Variants in DHRSX observed in about 807,000 individuals in gnomAD.
The protein encoded by DHRSX is polyprenol dehydrogenase.
DHRSX carries 31 observed loss-of-function variants against 34.0 expected under a neutral mutation model. The observed-to-expected ratio is 0.91, with a 90% CI of 0.69 to 1.23. The LOEUF (loss-of-function observed/expected upper bound fraction) is 1.23, where lower values mean the gene tolerates loss of function less well. Ranked by LOEUF, DHRSX falls within the 50% of genes most tolerant of loss-of-function variation. DHRSX has a pLI of 0.00. For missense variants in DHRSX, 414 were observed against 428.1 expected (o/e 0.97, Z 0.29); for synonymous variants, 201 against 183.8 (o/e 1.09, Z -0.76).
intron 1 of DHRSX, among the ~76,000 whole-genome samples, chrX:2,461,365 G>C (rs953381168): frequency 6.6e-6 from 1 of 152,192 alleles, no homozygotes; most frequent in Non-Finnish European, 1.5e-5. Context: ...GGGTCCACCC[G>C]TCAGCCAAAA....
At chrX:2,420,561 G>T (rs1342317516) in intron 2 of DHRSX, among the ~76,000 whole-genome samples, 1 of 151,912 alleles carries the variant, frequency 6.6e-6, no homozygotes. Context: ...TGGCCAACAT[G>T]GTGAAACCCC....
chrX:2,344,884 T>C (rs1236609919), intron 3 of DHRSX, among the ~76,000 whole-genome samples: 1 of 63,226 alleles, frequency 1.6e-5, no homozygotes, highest in East Asian at 3.5e-4. Context: ...TATATATATA[T>C]ATATATATAT....
At chrX:2,342,932 G>A (rs1303848757) in intron 3 of DHRSX, among the ~76,000 whole-genome samples, 2 of 152,102 alleles carry the variant, frequency 1.3e-5, no homozygotes, top group Non-Finnish European at 2.9e-5. Flanking sequence ...CGGTCTTCAG[G>A]TTGTGGGTGA....
At chrX:2,353,562 G>C (rs2042812686) in intron 3 of DHRSX, among the ~76,000 whole-genome samples, 1 of 151,162 alleles carries the variant, frequency 6.6e-6, no homozygotes, top group African/African-American at 2.4e-5. Flanking sequence ...CAGTAGTTTA[G>C]GGAAGGATTA....
At chrX:2,327,060 G>A (rs1438400279) in intron 3 of DHRSX, among the ~76,000 whole-genome samples, 2 of 152,126 alleles carry the variant, frequency 1.3e-5, no homozygotes, top group Admixed American at 6.5e-5. Flanking sequence ...TGATCCACCC[G>A]CCTCAGCCTC....
intron 1 of DHRSX, among the ~76,000 whole-genome samples, chrX:2,431,107 C>T (rs1426327948): frequency 3.3e-5 from 5 of 151,816 alleles, no homozygotes; most frequent in Admixed American, 1.3e-4. Context: ...GGGTGGATCA[C>T]GAGGTCAGGA....
chrX:2,426,419 ATTCC>A (rs1221173742), intron 1 of DHRSX, among the ~76,000 whole-genome samples: 1 of 94,826 alleles, frequency 1.1e-5, no homozygotes, highest in Non-Finnish European at 2.1e-5. Flanking sequence ...TTCTTCCTTC[ATTCC>A]TTCCTTCCTT....
chrX:2,482,396 A>G (rs1378236373), intron 1 of DHRSX, among the ~76,000 whole-genome samples: 3 of 151,890 alleles, frequency 2.0e-5, no homozygotes, highest in African/African-American at 7.3e-5. Flanking sequence ...CCCAAAGTGC[A>G]GGTATTACAA....
intron 3 of DHRSX, among the ~76,000 whole-genome samples, chrX:2,386,346 G>A (rs7473900): frequency 0.23 from 35,676 of 151,820 alleles, 5,442 homozygotes; most frequent in Non-Finnish European, 0.35. Context: ...AGCCTCCCAA[G>A]TAGCTGGGAT....
chrX:2,406,247 G>A (rs374061698), intron 3 of DHRSX, among the ~76,000 whole-genome samples: 6 of 151,530 alleles, frequency 4.0e-5, no homozygotes, highest in African/African-American at 7.3e-5. Flanking sequence ...AGCCGAGATC[G>A]CACCACTGCA....
intron 3 of DHRSX, among the ~76,000 whole-genome samples, chrX:2,365,042 T>C (rs1002405643): frequency 3.3e-5 from 5 of 152,190 alleles, no homozygotes; most frequent in African/African-American, 1.2e-4. Context: ...CTGTCTGTCA[T>C]TTCCTCATTT....
intron 6 of DHRSX, among the ~76,000 whole-genome samples, chrX:2,224,736 A>G (rs1213794842): frequency 3.9e-5 from 6 of 152,266 alleles, no homozygotes; most frequent in Admixed American, 1.3e-4. Flanking sequence ...GCATACGCAC[A>G]CACACATGCA....
chrX:2,335,645 G>A (rs2042550010), intron 3 of DHRSX, among the ~76,000 whole-genome samples: 1 of 151,816 alleles, frequency 6.6e-6, no homozygotes, highest in South Asian at 2.1e-4. Flanking sequence ...GTAGAGATGG[G>A]GCTTCATCAT....
intron 1 of DHRSX, among the ~76,000 whole-genome samples, chrX:2,448,566 T>A (rs1215708134): frequency 6.6e-6 from 1 of 150,626 alleles, no homozygotes; most frequent in Non-Finnish European, 1.5e-5. Context: ...AGCTTGATTG[T>A]TAATGTGTTT....
chrX:2,451,128 G>A (rs6641536), intron 1 of DHRSX, among the ~76,000 whole-genome samples: 10,626 of 151,922 alleles, frequency 0.07, 466 homozygotes, highest in African/African-American at 0.11. Context: ...CCCTACTCAG[G>A]AGGCTGTGGC....
At chrX:2,405,351 G>C (rs1244764740) in intron 3 of DHRSX, among the ~76,000 whole-genome samples, 1 of 152,096 alleles carries the variant, frequency 6.6e-6, no homozygotes, top group African/African-American at 2.4e-5. Context: ...GCCGGGCTTG[G>C]TGGGTGGGCG....
chrX:2,264,359 G>C (rs80175475), intron 5 of DHRSX, among the ~76,000 whole-genome samples: 2 of 149,614 alleles, frequency 1.3e-5, no homozygotes, highest in South Asian at 4.3e-4. Context: ...AGGGAGCACT[G>C]TGCCCAGAGC....
chrX:2,329,082 G>C (rs143233358), intron 3 of DHRSX, among the ~76,000 whole-genome samples: 176 of 152,286 alleles, frequency 1.2e-3, no homozygotes, highest in African/African-American at 4.1e-3. Flanking sequence ...GAAATAAAAA[G>C]AGTATTGCAT....
chrX:2,489,122 A>G lies in DHRSX; in HGVS notation c.109+11695T>C, dbSNP rs760012167. On this transcript the variant is annotated intron_variant, in intron 1 of 6. Coordinates refer to ENST00000334651, the MANE Select transcript of DHRSX (RefSeq NM_145177.3). ...GGCGGGCGGCGGCGTGGATGTCCGC[A>G]TGAGCTTCTTGACGGGAGGCTCCTC... 1.3e-5 allele frequency: 21 copies of G among 1,613,502 alleles called. No homozygotes were observed. The Admixed American group carries it at 3.0e-4, about 23-fold the overall frequency.
Sources: gnomAD v4.1 joint callset for allele counts (sites outside exome capture counted in the v4.1 genomes callset) on GRCh38, gnomAD v4.1.1 for gene constraint, MANE v1.5 for transcripts, NCBI Gene and HGNC (gene_info 2026-07-23, HGNC 2026-07-21) for gene names.